ADARB2: variants seen among roughly 807,000 people sequenced by gnomAD.
ADARB2 encodes the protein inactive double-stranded RNA-specific editase B2.
Under a neutral mutation model 62.2 loss-of-function variants are expected in ADARB2, and 25 were observed. That is an observed-to-expected ratio of 0.40 (90% CI 0.29 to 0.56). The LOEUF (loss-of-function observed/expected upper bound fraction) is 0.56, where lower values mean the gene tolerates loss of function less well. Among genes scored for constraint, ADARB2 ranks in the 20% least tolerant of loss-of-function variants. The pLI, the probability that ADARB2 is intolerant of heterozygous loss-of-function variation, is 0.43. For missense variants in ADARB2, 1,071 were observed against 1,077.4 expected, an observed-to-expected ratio of 0.99 and a Z score of 0.08; for synonymous variants, 572 against 500.8, an observed-to-expected ratio of 1.14 and a Z score of -1.90.
At chr10:1,258,655 C>A (rs1396866043) in intron 4 of ADARB2, among the ~76,000 whole-genome samples, 1 of 152,136 alleles carries the variant, frequency 6.6e-6, no homozygotes, top group African/African-American at 2.4e-5. Flanking sequence ...TAAAGCAAAT[C>A]CTTAGTGACC....
intron 1 of ADARB2, among the ~76,000 whole-genome samples, chr10:1,654,131 T>C (rs1588340130): frequency 6.6e-6 from 1 of 152,166 alleles, no homozygotes; most frequent in African/African-American, 2.4e-5. Context: ...TCTGTGGCCA[T>C]TGCAGGTGTT....
intron 1 of ADARB2, among the ~76,000 whole-genome samples, chr10:1,413,343 C>A (rs1011352139): frequency 6.6e-6 from 1 of 152,124 alleles, no homozygotes; most frequent in Non-Finnish European, 1.5e-5. Flanking sequence ...TGGTTAGAAA[C>A]GGCGTCGGGT....
chr10:1,721,059 A>G (rs1909431), intron 1 of ADARB2, among the ~76,000 whole-genome samples: 152,101 of 152,320 alleles, frequency 1, 75,943 homozygotes, highest in Middle Eastern at 1. Context: ...ATAACTGAAA[A>G]CAAGGCCAGC....
At chr10:1,615,367 C>T (rs1349582136) in intron 1 of ADARB2, among the ~76,000 whole-genome samples, 1 of 152,220 alleles carries the variant, frequency 6.6e-6, no homozygotes, top group Non-Finnish European at 1.5e-5. Context: ...CCCCTCCAGC[C>T]CATGCTGGGG....
Position 1,556,993 on chromosome 10 carries a change from G to T in ADARB2, c.101-177833C>A, listed in dbSNP as rs188622683. The T allele has an allele frequency of 3.7e-4, 142 of 384,044 alleles. 1 individual carries two copies. Among genetic ancestry groups the T allele is most frequent in the African/African-American group, 2.8e-3 (134 of 47,306 alleles). The allele number at this position is 384,044 out of a possible 1,614,324, so 23.8% of individuals were successfully genotyped here. ...GACAATTTTCACCTCCAGGAATCTTGTCCTGCATCTCACTTTTCTTCTTGA... is the reference window on the plus strand; with the variant it reads ...GACAATTTTCACCTCCAGGAATCTTTTCCTGCATCTCACTTTTCTTCTTGA... On this transcript the variant is annotated intron_variant, in intron 1 of 9. Transcript: ENST00000381312.
At chr10:1,406,110 GTTA>G (rs1301306674) in intron 1 of ADARB2, among the ~76,000 whole-genome samples, 1 of 152,240 alleles carries the variant, frequency 6.6e-6, no homozygotes, top group African/African-American at 2.4e-5. Context: ...TGGGCTATGT[GTTA>G]TTCTTTTTAA....
chr10:1,289,005 C>T (rs1193503957), intron 3 of ADARB2, among the ~76,000 whole-genome samples: 1 of 152,166 alleles, frequency 6.6e-6, no homozygotes, highest in Non-Finnish European at 1.5e-5. Context: ...TGATACCTCC[C>T]TCCATTGTGG....
At chr10:1,532,739 G>A (rs747149610) in intron 1 of ADARB2, among the ~76,000 whole-genome samples, 5 of 152,180 alleles carry the variant, frequency 3.3e-5, no homozygotes, top group Admixed American at 3.3e-4. Context: ...TGGCTATGGC[G>A]CCGGGACTCT....
At chr10:1,186,522 C>T (rs1176574971) in intron 8 of ADARB2, 2 of 518,966 alleles carry the variant, frequency 3.9e-6, no homozygotes, top group Non-Finnish European at 7.7e-6. Context: ...TCCCCAAGCC[C>T]AGCTGGCCGG....
intron 1 of ADARB2, among the ~76,000 whole-genome samples, chr10:1,682,373 T>C (rs1834548831): frequency 6.6e-6 from 1 of 152,160 alleles, no homozygotes; most frequent in South Asian, 2.1e-4. Context: ...AGCCAGATGA[T>C]CTGCCAAATG....
Position 1,477,666 on chromosome 10 carries a change from G to A in ADARB2, c.101-98506C>T, listed in dbSNP as rs377613822. 8.5e-5 allele frequency among the ~76,000 whole-genome samples: 13 copies of A among 152,160 alleles called. 1 individual carries two copies. The East Asian group carries it at 1.2e-3, about 14-fold the overall frequency. On this transcript the variant is annotated intron_variant, in intron 1 of 9. Coordinates refer to ENST00000381312, the MANE Select transcript of ADARB2 (RefSeq NM_018702.4). This position sits in a 1 kb window ranked among gnomAD's most constrained non-coding sequence, Gnocchi z 4.5. ...AAAAATATGGGGACCAACATGAAGC[G>A]TCAGCCTGTGCGCCTCTTTCCAGAC...
At chr10:1,620,665 C>A (rs1246718399) in intron 1 of ADARB2, among the ~76,000 whole-genome samples, 2 of 152,262 alleles carry the variant, frequency 1.3e-5, no homozygotes, top group East Asian at 1.9e-4. Flanking sequence ...AAAAATATCA[C>A]AAAAAGTATA....
chr10:1,217,159 G>T, intron 6 of ADARB2, 40 bp from the exon 7 acceptor site: 1 of 1,507,916 alleles, frequency 6.6e-7, no homozygotes, highest in East Asian at 2.5e-5. Context: ...GAAGAGGGAA[G>T]CCGCCTTGGT....
rs373363555 is a variant in ADARB2 at position 1,464,266 on chromosome 10, C to T, written c.101-85106G>A. Among the ~76,000 whole-genome samples the T allele has an allele frequency of 4.9e-5, 6 of 121,436 alleles. 1 individual carries two copies. The East Asian group carries it at 1.5e-3, about 31-fold the overall frequency. 79.7% of individuals were successfully genotyped at this position (121,436 alleles called of 152,430 possible). A position where few individuals can be genotyped will look rare whatever the true frequency, so the allele number is the denominator to read the frequency against. On this transcript the variant is annotated intron_variant, in intron 1 of 9. Transcript: ENST00000381312. ...AGTGCGCCGGAGAAGAGGGTGGACA[C>T]ACACTCCCCCACACACGCGCTGGGG...
intron 1 of ADARB2, among the ~76,000 whole-genome samples, chr10:1,518,821 C>T (rs1457562253): frequency 1.3e-5 from 2 of 151,854 alleles, no homozygotes; most frequent in Non-Finnish European, 2.9e-5. Context: ...GTGGTGTGGT[C>T]ATATGCATGC....
chr10:1,484,452 C>T (rs1268491570), intron 1 of ADARB2, among the ~76,000 whole-genome samples: 1 of 152,244 alleles, frequency 6.6e-6, no homozygotes, highest in Non-Finnish European at 1.5e-5. Flanking sequence ...GCCCTGTCCA[C>T]GCTGTCGTCC....
intron 4 of ADARB2, among the ~76,000 whole-genome samples, chr10:1,268,443 C>T (rs12261706): frequency 0.024 from 3,694 of 151,908 alleles, 137 homozygotes; most frequent in African/African-American, 0.08. Context: ...ACAGAACTTT[C>T]AGGAGCTAAT....
At position 1,560,927 on chromosome 10, in the gene ADARB2, T is replaced by C. The variant is rs143501524; in HGVS notation, c.100+176124A>G. 3.3e-5 allele frequency among the ~76,000 whole-genome samples: 5 copies of C among 152,312 alleles called. No individual in the cohort carries two copies. In the East Asian group the frequency reaches 9.6e-4, roughly 29 times the overall value. ...TGCCAAAATGCAGGGCAACCTTGCC[T>C]CTCTTTCTCCAGTGAGGGCCTCGTG... On this transcript the variant is annotated intron_variant, in intron 1 of 9. Coordinates refer to ENST00000381312, the MANE Select transcript of ADARB2 (RefSeq NM_018702.4).
intron 1 of ADARB2, among the ~76,000 whole-genome samples, chr10:1,422,570 G>A (rs1357657779): frequency 2.0e-5 from 3 of 152,168 alleles, no homozygotes; most frequent in Non-Finnish European, 4.4e-5. Flanking sequence ...AATGGCCTTG[G>A]TGACCCCAGC....
Sources: gnomAD v4.1 joint callset for allele counts (sites outside exome capture counted in the v4.1 genomes callset) on GRCh38, gnomAD v4.1.1 for gene constraint, Gnocchi (gnomAD v3.1) non-coding constraint, MANE v1.5 for transcripts, NCBI Gene and HGNC (gene_info 2026-07-23, HGNC 2026-07-21) for gene names.